Variants in PPARG observed in about 807,000 individuals in gnomAD.
PPARG encodes the protein peroxisome proliferator activated receptor gamma, also known as peroxisome proliferator-activated receptor gamma.
Under a neutral mutation model 39.2 loss-of-function variants are expected in PPARG, and 17 were observed. The observed-to-expected ratio is 0.43, with a 90% CI of 0.30 to 0.65. PPARG has a LOEUF of 0.65. Among genes scored for constraint, PPARG ranks in the 30% least tolerant of loss-of-function variants. The pLI is 0.13. For synonymous variants in PPARG, 223 were observed against 215.7 expected, an observed-to-expected ratio of 1.03 and a Z score of -0.30; for missense variants, 406 against 585.9, an observed-to-expected ratio of 0.69 and a Z score of 3.17.
chr3:12,392,050 G>T (rs1478835149), intron 4 of PPARG, among the ~76,000 whole-genome samples: 2 of 152,090 alleles, frequency 1.3e-5, no homozygotes, highest in Non-Finnish European at 2.9e-5. Flanking sequence ...CTTTCTGTCT[G>T]TAAGCCACAA....
rs759638890 is a variant in PPARG, at chr3:12,433,987, C to G, written c.1270C>G (p.Pro424Ala). 3.2e-5 allele frequency: 52 copies of G among 1,614,090 alleles called. 1 individual carries two copies. The Admixed American group carries it at 3.3e-4, about 10-fold the overall frequency. The part of the protein sequence containing the change: ...ALELQLKLNH[P>A]ESSQLFAKLL... Reference sequence around the variant, plus strand: ...GGAGCTCCAGCTGAAGCTGAACCACCCTGAGTCCTCACAGCTGTTTGCCAA... The same window carrying G: ...GGAGCTCCAGCTGAAGCTGAACCACGCTGAGTCCTCACAGCTGTTTGCCAA... Residue 424 changes from proline to alanine, a missense_variant, in exon 8 of 8, where the codon CCT (proline) becomes GCT (alanine). Pro to Ala is a conservative substitution (Grantham distance 27). Around this residue, in one of 2 missense-constraint regions of PPARG, gnomAD observed 275 missense variants for 458.0 expected, o/e 0.60. Transcript: ENST00000651735.
chr3:12,360,475 C>G (rs1305438848), intron 2 of PPARG, among the ~76,000 whole-genome samples: 4 of 151,474 alleles, frequency 2.6e-5, no homozygotes, highest in Non-Finnish European at 5.9e-5. Flanking sequence ...ATGGAACATT[C>G]TCTCTTAATT....
chr3:12,397,421 T>C (rs1472961751), intron 5 of PPARG, among the ~76,000 whole-genome samples: 2 of 134,770 alleles, frequency 1.5e-5, no homozygotes, highest in Admixed American at 7.5e-5. Flanking sequence ...ATTATTATTA[T>C]TATTATTGAG....
At chr3:12,338,685 A>G (rs1476653771) in intron 2 of PPARG, among the ~76,000 whole-genome samples, 2 of 152,226 alleles carry the variant, frequency 1.3e-5, no homozygotes, top group Non-Finnish European at 2.9e-5. Context: ...GCCATATCTG[A>G]TTAAATTTTT....
intron 2 of PPARG, among the ~76,000 whole-genome samples, chr3:12,359,098 C>T (rs529885852): frequency 3.9e-5 from 6 of 152,242 alleles, no homozygotes; most frequent in South Asian, 2.1e-4. Flanking sequence ...ATCTCTATCA[C>T]GAGTCTGGTC....
rs557865863 is a variant in PPARG, at chr3:12,383,989, T to G, written c.390+2498T>G. The stretch of plus-strand genomic sequence containing the variant: ...CCTATCATAGATTAAAAAGCAAACA[T>G]AGAAGAAAACTAAGCGTATTGTATA... On this transcript the variant is annotated intron_variant, in intron 4 of 7. Transcript: ENST00000651735. Among the ~76,000 whole-genome samples, 4 of 152,004 alleles carry G rather than the reference T, an allele frequency of 2.6e-5. No individual in the cohort carries two copies. The East Asian group carries it at 7.7e-4, about 29-fold the overall frequency.
chr3:12,416,835 C>G lies in PPARG; in HGVS notation c.861C>G (p.Ser287=). Residue 287 remains serine (S), a synonymous_variant, in exon 7 of 8, where the codon TCC becomes TCG. Coordinates refer to ENST00000651735, the MANE Select transcript of PPARG (RefSeq NM_138711.6). ...TCTTTCAGGGCTGCCAGTTTCGCTC[C>G]GTGGAGGCTGTGCAGGAGATCACAG... ...IRIFQGCQFR[S]VEAVQEITEY... The G allele has an allele frequency of 1.2e-5, 19 of 1,614,090 alleles. No individual in the cohort carries two copies. Among genetic ancestry groups the G allele is most frequent in the Non-Finnish European group, 1.6e-5 (19 of 1,179,996 alleles).
At chr3:12,295,144 CAG>C (rs1175274230) in intron 1 of PPARG, among the ~76,000 whole-genome samples, 1 of 152,164 alleles carries the variant, frequency 6.6e-6, no homozygotes, top group Admixed American at 6.5e-5. Flanking sequence ...GAATCTAAAA[CAG>C]AGAATCTCAA....
At chr3:12,290,924 C>T (rs1001447819) in intron 1 of PPARG, among the ~76,000 whole-genome samples, 6 of 152,130 alleles carry the variant, frequency 3.9e-5, no homozygotes, top group African/African-American at 1.4e-4. Context: ...CACATTCTGG[C>T]CCACACTTTC....
chr3:12,424,962 T>C (rs1215220890), intron 7 of PPARG, among the ~76,000 whole-genome samples: 1 of 152,226 alleles, frequency 6.6e-6, no homozygotes. Context: ...TTTTGCCCTA[T>C]ATGATATGAT....
At chr3:12,327,860 C>G (rs1266849477) in intron 2 of PPARG, 9 of 479,124 alleles carry the variant, frequency 1.9e-5, no homozygotes, top group Non-Finnish European at 2.9e-5. Flanking sequence ...TTATCACAAA[C>G]AAAGCAAGCA....
chr3:12,326,873 A>G (rs1360175727), intron 2 of PPARG, among the ~76,000 whole-genome samples: 2 of 152,228 alleles, frequency 1.3e-5, no homozygotes, highest in African/African-American at 4.8e-5. Context: ...GTATTCAAAC[A>G]TTGAGTGTTC....
At chr3:12,348,636 A>G (rs12497191) in intron 2 of PPARG, among the ~76,000 whole-genome samples, 18,764 of 152,198 alleles carry the variant, frequency 0.12, 1,395 homozygotes, top group East Asian at 0.29. Flanking sequence ...CTCAACCTCT[A>G]CATTGCACAG....
intron 1 of PPARG, among the ~76,000 whole-genome samples, chr3:12,306,494 T>C (rs952176385): frequency 1.3e-5 from 2 of 152,052 alleles, no homozygotes; most frequent in Admixed American, 1.3e-4. Flanking sequence ...ACCCAGACAA[T>C]CTGAACCCAG....
intron 2 of PPARG, among the ~76,000 whole-genome samples, chr3:12,373,662 TAA>T (rs554136295): frequency 1.4e-5 from 2 of 146,568 alleles, no homozygotes; most frequent in African/African-American, 5.0e-5. Flanking sequence ...AGAATTTGGT[TAA>T]AAAAAAAAAC....
intron 7 of PPARG, among the ~76,000 whole-genome samples, chr3:12,422,901 A>G (rs1011168132): frequency 5.3e-5 from 8 of 152,078 alleles, no homozygotes; most frequent in African/African-American, 1.9e-4. Flanking sequence ...AAAGAAAAGA[A>G]AAAGAAAAAA....
intron 1 of PPARG, among the ~76,000 whole-genome samples, chr3:12,289,552 A>C (rs535676797): frequency 6.6e-6 from 1 of 152,360 alleles, no homozygotes; most frequent in East Asian, 1.9e-4. Context: ...AACTGGATTT[A>C]TTAAGAGAAC....
chr3:12,308,113 C>T (rs964938110), intron 1 of PPARG, among the ~76,000 whole-genome samples: 1 of 151,926 alleles, frequency 6.6e-6, no homozygotes, highest in Non-Finnish European at 1.5e-5. Flanking sequence ...ACCTGTAATC[C>T]CAGCACTTTG....
At chr3:12,385,748 G>A (rs1342844657) in intron 4 of PPARG, among the ~76,000 whole-genome samples, 1 of 152,120 alleles carries the variant, frequency 6.6e-6, no homozygotes, top group Non-Finnish European at 1.5e-5. Context: ...TTCAGAAAGA[G>A]TTTTAATTCT....
Sources: allele counts gnomAD v4.1 joint callset (sites outside exome capture counted in the v4.1 genomes callset), GRCh38; gene constraint gnomAD v4.1.1; regional missense constraint gnomAD v4.1.1; transcripts MANE v1.5; gene names NCBI Gene and HGNC (gene_info 2026-07-23, HGNC 2026-07-21).